IGSF5: variants seen among roughly 807,000 people sequenced by gnomAD.
IGSF5 encodes the protein immunoglobulin superfamily member 5.
IGSF5 carries 41 observed loss-of-function variants against 39.4 expected under a neutral mutation model. The ratio of observed to expected loss-of-function variants is 1.04; its 90% CI spans 0.81 to 1.35. The LOEUF (loss-of-function observed/expected upper bound fraction) is 1.35, where lower values mean the gene tolerates loss of function less well. IGSF5 is among the 40% of genes most tolerant of loss of function. IGSF5 has a pLI of 0.00. For missense variants in IGSF5, 487 were observed against 494.6 expected, an observed-to-expected ratio of 0.98 and a Z score of 0.15; for synonymous variants, 183 against 175.3, an observed-to-expected ratio of 1.04 and a Z score of -0.34.
the IGSF5 span, among the ~76,000 whole-genome samples, chr21:39,722,192 G>A: frequency 1.2e-4 from 18 of 152,176 alleles, no homozygotes; most frequent in African/African-American, 4.3e-4. Context: ...AAAGAAGCTT[G>A]CCTATGGTAG....
intron 8 of IGSF5, among the ~76,000 whole-genome samples, chr21:39,795,363 G>A (rs376972559): frequency 2.6e-5 from 4 of 152,136 alleles, no homozygotes; most frequent in South Asian, 2.1e-4. Flanking sequence ...CTCCAAGCAC[G>A]GACAGCCAAT....
the IGSF5 span, among the ~76,000 whole-genome samples, chr21:39,715,297 T>G: frequency 6.6e-6 from 1 of 152,022 alleles, no homozygotes; most frequent in Non-Finnish European, 1.5e-5. Flanking sequence ...TTTTGTATTT[T>G]TAGTAGAGAT....
At chr21:39,715,524 G>C in the IGSF5 span, among the ~76,000 whole-genome samples, 1 of 152,272 alleles carries the variant, frequency 6.6e-6, no homozygotes, top group Non-Finnish European at 1.5e-5. Context: ...TCCAAGTTAT[G>C]GAGGTCCACG....
intron 8 of IGSF5, among the ~76,000 whole-genome samples, chr21:39,797,503 G>A (rs943719886): frequency 2.0e-5 from 3 of 152,072 alleles, no homozygotes; most frequent in Non-Finnish European, 4.4e-5. Flanking sequence ...ACAGGCGTGA[G>A]ACAGCTTGCC....
Position 39,792,105 on chromosome 21 carries a change from T to C in IGSF5, c.1048+6T>C. 6.3e-7 allele frequency: 1 copy of C among 1,590,030 alleles called. No homozygotes were observed. Among genetic ancestry groups the C allele is most frequent in the Non-Finnish European group, 8.6e-7 (1 of 1,162,482 alleles). On this transcript the variant is annotated splice_donor_region_variant and intron_variant, in intron 7 of 8. Transcript: ENST00000380588. ...AGATGAACAAAAGACCACAGGTGAG[T>C]AGACAAGAGGGGTGGTGAAAAGACC...
intron 5 of IGSF5, among the ~76,000 whole-genome samples, chr21:39,786,710 C>A (rs957921009): frequency 1.3e-5 from 2 of 152,148 alleles, no homozygotes; most frequent in Non-Finnish European, 2.9e-5. Context: ...AACCAACCCA[C>A]ATGTCCAACA....
chr21:39,789,206 T>C (rs533222455), intron 6 of IGSF5, among the ~76,000 whole-genome samples: 1 of 152,340 alleles, frequency 6.6e-6, no homozygotes, highest in Non-Finnish European at 1.5e-5. Context: ...ATCTTCCATT[T>C]CTGTTCTCTG....
chr21:39,785,624 T>C (rs2146290417), intron 5 of IGSF5, among the ~76,000 whole-genome samples: 1 of 152,268 alleles, frequency 6.6e-6, no homozygotes, highest in South Asian at 2.1e-4. Context: ...GGGGATGGCA[T>C]TGAATCTGTA....
upstream of IGSF5, among the ~76,000 whole-genome samples, chr21:39,743,152 C>T (rs2079955280): frequency 1.3e-5 from 2 of 152,188 alleles, no homozygotes; most frequent in African/African-American, 4.8e-5. Context: ...CACCAATCTC[C>T]ATGTTCTGAT....
intron 2 of IGSF5, among the ~76,000 whole-genome samples, chr21:39,748,301 C>CCTTTT (rs2079985758): frequency 1.7e-5 from 1 of 58,216 alleles, no homozygotes; most frequent in African/African-American, 6.5e-5. Context: ...AAAACAAGAT[C>CCTTTT]TTTTTTTTTT....
intron 5 of IGSF5, among the ~76,000 whole-genome samples, chr21:39,787,115 A>G (rs552579110): frequency 2.0e-5 from 3 of 152,218 alleles, no homozygotes; most frequent in Non-Finnish European, 4.4e-5. Flanking sequence ...TTAAAAAAAA[A>G]ATGCAATGGC....
Position 39,779,303 on chromosome 21 carries a change from G to C in IGSF5, c.932G>C (p.Arg311Thr), listed in dbSNP as rs2080157981. 1 of 1,611,268 alleles carries C rather than the reference G, an allele frequency of 6.2e-7. No individual in the cohort carries two copies. Among genetic ancestry groups the C allele is most frequent in the Admixed American group, 1.7e-5 (1 of 59,850 alleles). ...CRCCFCCRRK[R>T]GFRIQFQKKS... ...TGTTGTTTCTGCTGTAGAAGAAAAAGAGGTAATTTTTTTGTTCATTTACAT... is the reference window on the plus strand; with the variant it reads ...TGTTGTTTCTGCTGTAGAAGAAAAACAGGTAATTTTTTTGTTCATTTACAT... Residue 311 changes from arginine to threonine, a missense_variant and splice_region_variant, in exon 5 of 9, where the codon AGA becomes ACA. Physicochemically the swap from Arg to Thr is moderately conservative, Grantham distance 71. Coordinates refer to ENST00000380588, the MANE Select transcript of IGSF5 (RefSeq NM_001080444.2).
the IGSF5 span, among the ~76,000 whole-genome samples, chr21:39,735,039 T>G: frequency 2.1e-4 from 32 of 152,132 alleles, no homozygotes; most frequent in East Asian, 2.7e-3. Context: ...AATTTTTGTA[T>G]TTTTAGTAGA....
upstream of IGSF5, among the ~76,000 whole-genome samples, chr21:39,743,794 T>C (rs1161175105): frequency 3.9e-5 from 6 of 152,208 alleles, no homozygotes; most frequent in Non-Finnish European, 5.9e-5. Context: ...AGCTGTAAGA[T>C]GGTGTTATAA....
chr21:39,796,162 G>C (rs913139723), intron 8 of IGSF5, among the ~76,000 whole-genome samples: 6 of 152,188 alleles, frequency 3.9e-5, no homozygotes, highest in African/African-American at 1.4e-4. Context: ...TGGGCCTGGG[G>C]ACACAGCCGT....
chr21:39,713,322 A>T, the IGSF5 span, among the ~76,000 whole-genome samples: 1 of 152,026 alleles, frequency 6.6e-6, no homozygotes, highest in Admixed American at 6.5e-5. Context: ...TGCTTGTCTG[A>T]CCTTATGAGT....
Position 39,801,411 on chromosome 21 carries a change from G to T in IGSF5, c.*54G>T. 2 of 1,280,360 alleles carry T rather than the reference G, an allele frequency of 1.6e-6. No individual in the cohort carries two copies. Among genetic ancestry groups the T allele is most frequent in the East Asian group, 2.3e-5 (1 of 42,984 alleles). The allele number at this position is 1,280,360 out of a possible 1,614,324, so 79.3% of individuals were successfully genotyped here. A position where few individuals can be genotyped will look rare whatever the true frequency, so the allele number is the denominator to read the frequency against. On this transcript the variant is annotated 3_prime_UTR_variant, in exon 9 of 9. Transcript: ENST00000380588. ...CTTGGCTGACAATTCAAAACACGGC[G>T]ATGGCATCCTTCCTTTCCATCCTAA...
intron 8 of IGSF5, among the ~76,000 whole-genome samples, chr21:39,800,735 A>G (rs533059233): frequency 6.6e-6 from 1 of 152,368 alleles, no homozygotes; most frequent in South Asian, 2.1e-4. Context: ...ATAAGGCAAT[A>G]TTATGAGACA....
intron 5 of IGSF5, among the ~76,000 whole-genome samples, chr21:39,786,851 C>A (rs887260385): frequency 6.6e-6 from 1 of 151,926 alleles, no homozygotes; most frequent in Non-Finnish European, 1.5e-5. Flanking sequence ...AGTAAACTAT[C>A]GCAAGAACAA....
Sources: gnomAD v4.1 joint callset for allele counts (sites outside exome capture counted in the v4.1 genomes callset) on GRCh38, gnomAD v4.1.1 for gene constraint, MANE v1.5 for transcripts, NCBI Gene and HGNC (gene_info 2026-07-23, HGNC 2026-07-21) for gene names.